Variants in NRXN3 observed in about 807,000 individuals in gnomAD.
The protein encoded by NRXN3 is neurexin III.
Under a neutral mutation model 137.6 loss-of-function variants are expected in NRXN3, and 32 were observed. The ratio of observed to expected loss-of-function variants is 0.23; its 90% CI spans 0.18 to 0.31. NRXN3 has a LOEUF of 0.31. Among genes scored for constraint, NRXN3 ranks in the 10% least tolerant of loss-of-function variants. NRXN3 has a pLI of 1.00. For missense variants in NRXN3, 1,574 were observed against 2,062.5 expected (o/e 0.76, Z 4.59); for synonymous variants, 798 against 784.5 (o/e 1.02, Z -0.29).
chr14:78,920,310 T>C (rs972967784), intron 10 of NRXN3, among the ~76,000 whole-genome samples: 2 of 152,180 alleles, frequency 1.3e-5, no homozygotes, highest in Non-Finnish European at 2.9e-5. Context: ...TCGAAGCAAG[T>C]CAATGGCTAC....
chr14:78,436,559 A>G (rs2094073103), intron 4 of NRXN3, among the ~76,000 whole-genome samples: 1 of 152,200 alleles, frequency 6.6e-6, no homozygotes, highest in Non-Finnish European at 1.5e-5. Flanking sequence ...TGATGATGGA[A>G]ATGTTTTGAA....
intron 19 of NRXN3, among the ~76,000 whole-genome samples, chr14:79,767,892 T>C (rs1270206184): frequency 1.3e-5 from 2 of 152,094 alleles, no homozygotes; most frequent in African/African-American, 4.8e-5. Flanking sequence ...TGCAAGACAG[T>C]GGGCGCAGGT....
At chr14:79,118,546 C>T (rs2054861307) in intron 15 of NRXN3, among the ~76,000 whole-genome samples, 1 of 152,218 alleles carries the variant, frequency 6.6e-6, no homozygotes, top group Non-Finnish European at 1.5e-5. Context: ...GCATCAACCT[C>T]AACCCTGAAG....
chr14:79,471,985 C>T (rs769654063), intron 16 of NRXN3, among the ~76,000 whole-genome samples: 3 of 152,014 alleles, frequency 2.0e-5, no homozygotes, highest in Non-Finnish European at 4.4e-5. Flanking sequence ...TGATCCTCTC[C>T]CTCCTCCCAC....
chr14:78,640,940 G>A (rs1261495863), intron 4 of NRXN3, among the ~76,000 whole-genome samples: 1 of 152,140 alleles, frequency 6.6e-6, no homozygotes, highest in East Asian at 1.9e-4. Context: ...CTCTTGCCAA[G>A]CTATAGTTTT....
intron 15 of NRXN3, among the ~76,000 whole-genome samples, chr14:79,169,536 C>A (rs1344339101): frequency 1.3e-5 from 2 of 152,030 alleles, no homozygotes; most frequent in African/African-American, 4.8e-5. Flanking sequence ...ATAATACTTA[C>A]CTTTGTCACT....
intron 10 of NRXN3, among the ~76,000 whole-genome samples, chr14:78,927,973 C>G (rs181343355): frequency 1.3e-5 from 2 of 152,296 alleles, no homozygotes; most frequent in African/African-American, 2.4e-5. Flanking sequence ...ATGCTCAAGA[C>G]ATGAGGGCTA....
chr14:78,309,419 AG>A (rs2077722328), intron 4 of NRXN3, among the ~76,000 whole-genome samples: 1 of 151,940 alleles, frequency 6.6e-6, no homozygotes, highest in African/African-American at 2.4e-5. Flanking sequence ...TGTACCCGAT[AG>A]GTAGTTTTTC....
intron 15 of NRXN3, among the ~76,000 whole-genome samples, chr14:79,270,567 C>T (rs1334612035): frequency 6.6e-6 from 1 of 152,140 alleles, no homozygotes; most frequent in Non-Finnish European, 1.5e-5. Flanking sequence ...GGACTAGGCC[C>T]TCATTCCCTG....
intron 15 of NRXN3, among the ~76,000 whole-genome samples, chr14:79,389,471 C>T (rs1173200391): frequency 6.6e-6 from 1 of 152,218 alleles, no homozygotes; most frequent in Admixed American, 6.5e-5. Flanking sequence ...CCTCTCACCA[C>T]TGTTGCATTG....
Position 79,801,550 on chromosome 14 carries a change from G to A in NRXN3, c.4015-3562G>A, listed in dbSNP as rs868251558. ...AAGTAACTAAGTGACGTGTGTGCACGCACACACACACATCCCAGGTCACTT... is the reference window on the plus strand; with the variant it reads ...AAGTAACTAAGTGACGTGTGTGCACACACACACACACATCCCAGGTCACTT... On this transcript the variant is annotated intron_variant, in intron 19 of 20. Coordinates refer to ENST00000335750, the MANE Select transcript of NRXN3 (RefSeq NM_001330195.2). Among the ~76,000 whole-genome samples the A allele has an allele frequency of 1.1e-3, 173 of 152,158 alleles. 2 individuals carry two copies. Among genetic ancestry groups the A allele is most frequent in the African/African-American group, 1.7e-3 (71 of 41,516 alleles).
At chr14:79,831,204 GA>G (rs2099322246) in intron 20 of NRXN3, among the ~76,000 whole-genome samples, 1 of 152,156 alleles carries the variant, frequency 6.6e-6, no homozygotes, top group African/African-American at 2.4e-5. Flanking sequence ...TGTTCAAAGG[GA>G]CAGGAAACAT....
chr14:79,692,992 G>C (rs2098721887), intron 18 of NRXN3, among the ~76,000 whole-genome samples: 1 of 152,018 alleles, frequency 6.6e-6, no homozygotes, highest in Non-Finnish European at 1.5e-5. Flanking sequence ...TAATGAGTTG[G>C]AAAAGAAAAG....
In NRXN3 at chr14:78,938,243, C is replaced by G. The variant is rs535171182; in HGVS notation, c.2276-18999C>G. ...GGCTGAGAGATGTTTAGATGTTTGTCCAAGGTCACACAGCTAGTACCTGCT... is the reference window on the plus strand; with the variant it reads ...GGCTGAGAGATGTTTAGATGTTTGTGCAAGGTCACACAGCTAGTACCTGCT... On this transcript the variant is annotated intron_variant, in intron 10 of 20. Coordinates refer to ENST00000335750, the MANE Select transcript of NRXN3 (RefSeq NM_001330195.2). Among the ~76,000 whole-genome samples, 5 of 152,314 alleles carry G rather than the reference C, an allele frequency of 3.3e-5. No individual in the cohort carries two copies. In the South Asian group the frequency reaches 1.0e-3, roughly 32 times the overall value.
At chr14:78,577,418 G>C (rs1012960686) in intron 4 of NRXN3, among the ~76,000 whole-genome samples, 1 of 152,158 alleles carries the variant, frequency 6.6e-6, no homozygotes, top group Non-Finnish European at 1.5e-5. Context: ...AGGTTGAAAG[G>C]CATTGCCATT....
chr14:78,871,369 T>C (rs1015998028), intron 10 of NRXN3, among the ~76,000 whole-genome samples: 12 of 152,152 alleles, frequency 7.9e-5, no homozygotes, highest in African/African-American at 2.9e-4. Context: ...TACTCTTCAA[T>C]GGGAAAAATT....
intron 16 of NRXN3, among the ~76,000 whole-genome samples, chr14:79,523,599 C>A (rs927795287): frequency 2.0e-5 from 3 of 152,154 alleles, no homozygotes; most frequent in Non-Finnish European, 4.4e-5. Flanking sequence ...CAAAGCCCTG[C>A]TGCCATTTGT....
intron 4 of NRXN3, among the ~76,000 whole-genome samples, chr14:78,507,120 G>A (rs529650635): frequency 1.3e-5 from 2 of 152,112 alleles, no homozygotes; most frequent in African/African-American, 2.4e-5. Flanking sequence ...TGTGGGTGAC[G>A]CTATGTCACT....
intron 19 of NRXN3, among the ~76,000 whole-genome samples, chr14:79,764,206 T>C (rs2099048712): frequency 6.6e-6 from 1 of 152,060 alleles, no homozygotes; most frequent in South Asian, 2.1e-4. Context: ...CTCAAAACTC[T>C]GTTGAACAGG....
Sources: allele counts gnomAD v4.1 joint callset (sites outside exome capture counted in the v4.1 genomes callset), GRCh38; gene constraint gnomAD v4.1.1; transcripts MANE v1.5; gene names NCBI Gene and HGNC (gene_info 2026-07-23, HGNC 2026-07-21).